Variants in NEBL observed in about 807,000 individuals in gnomAD.
NEBL encodes the protein nebulette, also known as LIM and SH3 protein 2.
In NEBL, 122 loss-of-function variants were observed where a neutral mutation model predicts 140.2. The observed-to-expected ratio is 0.87, with a 90% CI of 0.75 to 1.01. NEBL has a LOEUF of 1.01. Ranked by LOEUF, NEBL falls within the 50% of genes least tolerant of loss-of-function variation. The pLI is 0.00. For synonymous variants in NEBL, 436 were observed against 398.9 expected, an observed-to-expected ratio of 1.09 and a Z score of -1.11; for missense variants, 1,365 against 1,231.3, an observed-to-expected ratio of 1.11 and a Z score of -1.62.
chr10:21,035,424 C>T (rs1198599819), intron 2 of NEBL, among the ~76,000 whole-genome samples: 1 of 152,122 alleles, frequency 6.6e-6, no homozygotes, highest in African/African-American at 2.4e-5. Flanking sequence ...GTGACCCCGA[C>T]TATTCTCCTC....
At chr10:21,014,958 A>G (rs1838495481) in intron 3 of NEBL, among the ~76,000 whole-genome samples, 1 of 152,164 alleles carries the variant, frequency 6.6e-6, no homozygotes, top group Non-Finnish European at 1.5e-5. Context: ...CAAAAGAAAG[A>G]CTCAAAGGTT....
chr10:21,029,902 C>G (rs1238554505), intron 2 of NEBL: 1 of 625,152 alleles, frequency 1.6e-6, no homozygotes, highest in South Asian at 1.7e-5. Context: ...CTATGAAGAC[C>G]GATACAACAG....
At chr10:21,145,858 A>C (rs1839866192) in intron 2 of NEBL, among the ~76,000 whole-genome samples, 1 of 152,152 alleles carries the variant, frequency 6.6e-6, no homozygotes, top group Non-Finnish European at 1.5e-5. Flanking sequence ...ATTTGGACTG[A>C]CTGAATCTTC....
At chr10:21,093,253 A>C (rs1837009600) in intron 2 of NEBL, among the ~76,000 whole-genome samples, 1 of 148,212 alleles carries the variant, frequency 6.7e-6, no homozygotes, top group Admixed American at 6.9e-5. Flanking sequence ...GAGGATAAGT[A>C]TTTGGGAAAG....
intron 2 of NEBL, among the ~76,000 whole-genome samples, chr10:21,020,386 G>T (rs984649904): frequency 6.6e-6 from 1 of 151,788 alleles, no homozygotes; most frequent in Admixed American, 6.6e-5. Flanking sequence ...TGGCTCTGTC[G>T]CCCAGACATC....
intron 3 of NEBL, among the ~76,000 whole-genome samples, chr10:20,974,879 C>T (rs1836726718): frequency 6.6e-6 from 1 of 152,136 alleles, no homozygotes. Flanking sequence ...CTAAATAATT[C>T]AAGAAAATCC....
intron 2 of NEBL, among the ~76,000 whole-genome samples, chr10:21,024,464 C>T (rs1474842789): frequency 4.0e-5 from 6 of 148,810 alleles, no homozygotes; most frequent in Non-Finnish European, 8.9e-5. Context: ...TTGGGGGATT[C>T]ACATTATATT....
chr10:21,091,521 A>G (rs554392586), intron 2 of NEBL, among the ~76,000 whole-genome samples: 1 of 102,280 alleles, frequency 9.8e-6, no homozygotes, highest in African/African-American at 1.1e-4. Flanking sequence ...CCAATTAGCT[A>G]TCAGTACCTC....
At chr10:20,852,770 C>T (rs1842678323) in intron 9 of NEBL, 121 bp from the exon 10 acceptor site, 2 of 871,456 alleles carry the variant, frequency 2.3e-6, no homozygotes, top group Non-Finnish European at 3.7e-6. Flanking sequence ...TGCCAAGTCC[C>T]CATCTGCAGT....
intron 5 of NEBL, among the ~76,000 whole-genome samples, chr10:20,870,335 A>AAC (rs1554793564): frequency 2.6e-5 from 4 of 151,872 alleles, no homozygotes; most frequent in South Asian, 2.1e-4. Context: ...CAAAAAAAAA[A>AAC]AAAAAAAAAA....
intron 2 of NEBL, among the ~76,000 whole-genome samples, chr10:21,084,020 A>C (rs1195745903): frequency 6.6e-6 from 1 of 152,158 alleles, no homozygotes; most frequent in Non-Finnish European, 1.5e-5. Flanking sequence ...TTGGGAAAAA[A>C]ACCCTAGTAT....
chr10:21,088,938 G>A (rs557054997), intron 2 of NEBL, among the ~76,000 whole-genome samples: 6 of 152,278 alleles, frequency 3.9e-5, no homozygotes, highest in South Asian at 4.1e-4. Flanking sequence ...AATGAACCAC[G>A]CGAGGCAGGA....
At chr10:21,244,977 C>G (rs1218357266) in intron 3 of NEBL, among the ~76,000 whole-genome samples, 1 of 140,910 alleles carries the variant, frequency 7.1e-6, no homozygotes, top group Non-Finnish European at 1.5e-5. Flanking sequence ...GTTAACACAG[C>G]AAGATGCTGT....
upstream of NEBL, among the ~76,000 whole-genome samples, chr10:21,178,396 T>C (rs967646255): frequency 6.6e-6 from 1 of 152,152 alleles, no homozygotes; most frequent in Non-Finnish European, 1.5e-5. Flanking sequence ...TACAATATGA[T>C]AAATGCTCTA....
At chr10:20,927,198 T>C (rs1409265595) in intron 4 of NEBL, among the ~76,000 whole-genome samples, 1 of 152,216 alleles carries the variant, frequency 6.6e-6, no homozygotes, top group Non-Finnish European at 1.5e-5. Flanking sequence ...ATAAAAGGAA[T>C]GGACCATGAG....
At chr10:21,248,058 G>T (rs141337030) in intron 2 of NEBL, 11 of 230,662 alleles carry the variant, frequency 4.8e-5, no homozygotes, top group African/African-American at 2.5e-4. Flanking sequence ...TTCAAGTCTG[G>T]ACGGCACCCT....
At chr10:20,950,706 G>T (rs994368274) in intron 4 of NEBL, among the ~76,000 whole-genome samples, 2 of 152,130 alleles carry the variant, frequency 1.3e-5, no homozygotes, top group Admixed American at 1.3e-4. Flanking sequence ...GATTCTGGAG[G>T]ATTTAAACAT....
At chr10:21,218,763 A>G (rs1379860306) in intron 3 of NEBL, among the ~76,000 whole-genome samples, 1 of 152,232 alleles carries the variant, frequency 6.6e-6, no homozygotes, top group East Asian at 1.9e-4. Context: ...TTGGGGACAC[A>G]TGCCATTGTA....
chr10:21,010,389 T>G (rs1838290109), intron 3 of NEBL, among the ~76,000 whole-genome samples: 1 of 151,798 alleles, frequency 6.6e-6, no homozygotes, highest in South Asian at 2.1e-4. Flanking sequence ...GGACTACAGG[T>G]GTGTGCTACC....
Sources: allele counts gnomAD v4.1 joint callset (sites outside exome capture counted in the v4.1 genomes callset), GRCh38; gene constraint gnomAD v4.1.1; transcripts MANE v1.5; gene names NCBI Gene and HGNC (gene_info 2026-07-23, HGNC 2026-07-21).